CCSER1: variants seen among roughly 807,000 people sequenced by gnomAD.
CCSER1 encodes serine-rich coiled-coil domain-containing protein 1.
In CCSER1, 41 loss-of-function variants were observed where a neutral mutation model predicts 82.0. The observed-to-expected ratio is 0.50, with a 90% CI of 0.39 to 0.65. The LOEUF (loss-of-function observed/expected upper bound fraction) is 0.65. CCSER1 is among the 30% of genes least tolerant of loss of function. The probability of loss-of-function intolerance (pLI) is 0.00; values close to 1 mark genes in which losing one functional copy is unlikely to be tolerated. For missense variants in CCSER1, 1,119 were observed against 1,064.2 expected (o/e 1.05, Z -0.72); for synonymous variants, 414 against 383.9 (o/e 1.08, Z -0.92).
chr4:90,611,059 C>CTTTTCTTTTTTTTT (rs1303751301), intron 5 of CCSER1, among the ~76,000 whole-genome samples: 5 of 93,824 alleles, frequency 5.3e-5, no homozygotes, highest in African/African-American at 1.7e-4. Context: ...CTTTTCTTTT[C>CTTTTCTTTTTTTTT]TTTTTTTTTT....
Position 90,153,999 on chromosome 4 carries a change from T to C in CCSER1, c.-42+26168T>C, listed in dbSNP as rs181700995. On this transcript the variant is annotated intron_variant, in intron 1 of 10. Transcript: ENST00000509176. ...CTGCCTAGGTTTTCTTCTAGGGTTT[T>C]TAAGGTTTTAGGTCTAACGTTTAAG... Among the ~76,000 whole-genome samples the C allele has an allele frequency of 5.3e-3, 804 of 152,334 alleles. 5 individuals carry two copies. The highest frequency in any genetic ancestry group is 8.8e-3 in the Non-Finnish European group (600 of 68,036).
At chr4:91,416,282 G>A (rs1212418173) in intron 10 of CCSER1, among the ~76,000 whole-genome samples, 5 of 151,650 alleles carry the variant, frequency 3.3e-5, no homozygotes, top group Non-Finnish European at 7.4e-5. Context: ...CTGCCCAGAC[G>A]AATTTATACA....
intron 9 of CCSER1, among the ~76,000 whole-genome samples, chr4:91,028,545 T>C (rs1740693312): frequency 6.6e-6 from 1 of 151,958 alleles, no homozygotes; most frequent in Admixed American, 6.6e-5. Context: ...TATGTAATAC[T>C]TACCAAGCAT....
intron 1 of CCSER1, among the ~76,000 whole-genome samples, chr4:90,141,075 C>T (rs1255921673): frequency 8.1e-6 from 1 of 122,742 alleles, no homozygotes; most frequent in East Asian, 2.6e-4. Context: ...GTCTGTCTAC[C>T]TATTGAAAGA....
intron 5 of CCSER1, among the ~76,000 whole-genome samples, chr4:90,502,323 C>T (rs1290996372): frequency 6.6e-6 from 1 of 152,084 alleles, no homozygotes; most frequent in African/African-American, 2.4e-5. Flanking sequence ...GGAAGTGCAA[C>T]ACCCTTTTAA....
intron 1 of CCSER1, among the ~76,000 whole-genome samples, chr4:90,146,359 T>G (rs1578182895): frequency 1.3e-5 from 2 of 152,082 alleles, no homozygotes; most frequent in South Asian, 4.1e-4. Context: ...ATGCTTGTTC[T>G]CATGTTTAAA....
intron 6 of CCSER1, among the ~76,000 whole-genome samples, chr4:90,703,756 T>C (rs1738679834): frequency 6.6e-6 from 1 of 152,214 alleles, no homozygotes; most frequent in African/African-American, 2.4e-5. Context: ...TTGATCTTTG[T>C]TGGTTTAAAG....
intron 9 of CCSER1, among the ~76,000 whole-genome samples, chr4:91,023,190 A>T (rs1216316877): frequency 6.6e-6 from 1 of 152,014 alleles, no homozygotes. Flanking sequence ...TTCCATGCTC[A>T]TGGGTAGGAA....
At chr4:91,510,895 G>T (rs1759783864) in intron 10 of CCSER1, among the ~76,000 whole-genome samples, 2 of 152,032 alleles carry the variant, frequency 1.3e-5, no homozygotes, top group Non-Finnish European at 2.9e-5. Context: ...TTCATGATTT[G>T]TTTTCCAAGG....
intron 10 of CCSER1, among the ~76,000 whole-genome samples, chr4:91,531,095 T>C (rs1011393549): frequency 6.6e-6 from 1 of 152,282 alleles, no homozygotes; most frequent in African/African-American, 2.4e-5. Context: ...AAGATGACTA[T>C]TTTCTATTTA....
chr4:90,515,588 T>C (rs1772160887), intron 5 of CCSER1, among the ~76,000 whole-genome samples: 1 of 152,268 alleles, frequency 6.6e-6, no homozygotes, highest in Non-Finnish European at 1.5e-5. Flanking sequence ...ATTGTTCACA[T>C]GACATGATAG....
intron 3 of CCSER1, among the ~76,000 whole-genome samples, chr4:90,352,432 G>A (rs1338470280): frequency 1.3e-5 from 2 of 152,146 alleles, no homozygotes; most frequent in African/African-American, 4.8e-5. Context: ...GGGCAGTCCA[G>A]GTGGGCGGAT....
chr4:90,373,240 A>T (rs1747750485), intron 3 of CCSER1, among the ~76,000 whole-genome samples: 1 of 152,140 alleles, frequency 6.6e-6, no homozygotes, highest in African/African-American at 2.4e-5. Flanking sequence ...ATTATCATAT[A>T]TATTGCTCTA....
chr4:91,429,983 G>A (rs1754199813), intron 10 of CCSER1, among the ~76,000 whole-genome samples: 1 of 151,826 alleles, frequency 6.6e-6, no homozygotes, highest in Non-Finnish European at 1.5e-5. Flanking sequence ...CACTAGCAAT[G>A]TGTTTATAGC....
chr4:90,547,683 C>A (rs1469809722), intron 5 of CCSER1, among the ~76,000 whole-genome samples: 2 of 152,100 alleles, frequency 1.3e-5, no homozygotes, highest in Non-Finnish European at 2.9e-5. Flanking sequence ...CTAGTTCTTT[C>A]TCTAAAATAC....
intron 4 of CCSER1, among the ~76,000 whole-genome samples, chr4:90,448,413 C>G (rs1760959104): frequency 7.3e-6 from 1 of 137,110 alleles, no homozygotes; most frequent in South Asian, 2.4e-4. Flanking sequence ...GCATATTTAT[C>G]AGACTGCTTT....
At chr4:91,232,728 TA>T (rs1332047068) in intron 10 of CCSER1, among the ~76,000 whole-genome samples, 1 of 151,880 alleles carries the variant, frequency 6.6e-6, no homozygotes, top group African/African-American at 2.4e-5. Flanking sequence ...GACAAAATTT[TA>T]ATGTTAAAAT....
At chr4:90,511,278 C>T (rs1007509945) in intron 5 of CCSER1, among the ~76,000 whole-genome samples, 6 of 151,950 alleles carry the variant, frequency 3.9e-5, no homozygotes, top group East Asian at 3.9e-4. Context: ...ACTAGCCGGG[C>T]GTGGTGGCAC....
Position 90,620,725 on chromosome 4 carries a change from A to C in CCSER1, c.1725-7300A>C, listed in dbSNP as rs549875789. 1.7e-3 allele frequency among the ~76,000 whole-genome samples: 258 copies of C among 152,336 alleles called. 2 individuals carry two copies. Among genetic ancestry groups the C allele is most frequent in the African/African-American group, 6.0e-3 (251 of 41,586 alleles). ...ATTAAACAGTAAAAACAAAAAACCC[A>C]AAAACATAATCTTGTCTAACAAGAA... On this transcript the variant is annotated intron_variant, in intron 5 of 10. Coordinates refer to ENST00000509176, the MANE Select transcript of CCSER1 (RefSeq NM_001145065.2).
Sources: gnomAD v4.1 joint callset for allele counts (sites outside exome capture counted in the v4.1 genomes callset) on GRCh38, gnomAD v4.1.1 for gene constraint, MANE v1.5 for transcripts, NCBI Gene and HGNC (gene_info 2026-07-23, HGNC 2026-07-21) for gene names.